Variants in B3GALT1 observed in about 807,000 individuals in gnomAD.
B3GALT1 encodes UDP-Gal:betaGlcNAc beta 1,3-galactosyltransferase, polypeptide 1.
A neutral mutation model predicts 23.2 loss-of-function variants in B3GALT1; 10 were observed. That is an observed-to-expected ratio of 0.43 (90% CI 0.27 to 0.73). B3GALT1 has a LOEUF of 0.73. Ranked by LOEUF, B3GALT1 falls within the 30% of genes least tolerant of loss-of-function variation. The pLI is 0.21. For missense variants in B3GALT1, 299 were observed against 405.4 expected, an observed-to-expected ratio of 0.74 and a Z score of 2.25; for synonymous variants, 156 against 141.5, an observed-to-expected ratio of 1.10 and a Z score of -0.73.
At chr2:167,765,124 TG>T (rs1687957269) in intron 3 of B3GALT1, among the ~76,000 whole-genome samples, 1 of 152,204 alleles carries the variant, frequency 6.6e-6, no homozygotes, top group South Asian at 2.1e-4. Context: ...TTGACCATTA[TG>T]ATTGTGTAAA....
intron 2 of B3GALT1, among the ~76,000 whole-genome samples, chr2:167,567,003 A>G (rs1031578422): frequency 2.4e-4 from 37 of 152,230 alleles, no homozygotes; most frequent in Non-Finnish European, 8.8e-5. Context: ...TCTCTGGAAA[A>G]TAGCACAGAG....
At chr2:167,692,001 T>C (rs1574215675) in intron 3 of B3GALT1, among the ~76,000 whole-genome samples, 1 of 152,274 alleles carries the variant, frequency 6.6e-6, no homozygotes, top group African/African-American at 2.4e-5. Context: ...CATGTACGTA[T>C]TAGTTGGCCT....
intron 1 of B3GALT1, among the ~76,000 whole-genome samples, chr2:167,361,242 A>C (rs1402905211): frequency 8.4e-6 from 1 of 119,178 alleles, no homozygotes; most frequent in Admixed American, 9.9e-5. Flanking sequence ...TTGCAGTGGG[A>C]TCCAGCAAAC....
At chr2:167,328,181 C>A (rs944178152) in intron 1 of B3GALT1, among the ~76,000 whole-genome samples, 66 of 152,216 alleles carry the variant, frequency 4.3e-4, no homozygotes, top group East Asian at 5.8e-4. Context: ...CTGTAGTTTT[C>A]TTTTCCTGTT....
At chr2:167,549,206 C>T (rs1167724851) in intron 2 of B3GALT1, among the ~76,000 whole-genome samples, 7 of 152,284 alleles carry the variant, frequency 4.6e-5, no homozygotes, top group Non-Finnish European at 1.0e-4. Flanking sequence ...TAGCAATGCA[C>T]GTATGTATGT....
intron 2 of B3GALT1, among the ~76,000 whole-genome samples, chr2:167,577,407 T>C (rs1371094905): frequency 1.3e-5 from 2 of 151,904 alleles, no homozygotes; most frequent in Admixed American, 1.3e-4. Flanking sequence ...AGTGGAAAGA[T>C]AGGACTAGAT....
At chr2:167,299,573 C>A (rs1019460810) in intron 1 of B3GALT1, among the ~76,000 whole-genome samples, 1 of 152,008 alleles carries the variant, frequency 6.6e-6, no homozygotes, top group Non-Finnish European at 1.5e-5. Flanking sequence ...GTGAACACAG[C>A]TAATGATAAA....
rs150506725 is a variant in B3GALT1 at position 167,400,956 on chromosome 2, C to T, written c.-510-89221C>T. ...AGCGGGAACTTCAAACAGACAGCTT[C>T]GGCTGTCTACTTTTTAGTCCCCTTT... On this transcript the variant is annotated intron_variant, in intron 1 of 4. Coordinates refer to ENST00000392690, the MANE Select transcript of B3GALT1 (RefSeq NM_020981.4). 1.6e-4 allele frequency among the ~76,000 whole-genome samples: 25 copies of T among 152,222 alleles called. No individual in the cohort carries two copies. The East Asian group carries it at 4.4e-3, about 27-fold the overall frequency.
intron 4 of B3GALT1, among the ~76,000 whole-genome samples, chr2:167,854,703 A>T (rs956333540): frequency 2.0e-5 from 3 of 152,198 alleles, no homozygotes; most frequent in Non-Finnish European, 2.9e-5. Flanking sequence ...AGACTTCATT[A>T]TGGATGTCAG....
intron 1 of B3GALT1, among the ~76,000 whole-genome samples, chr2:167,305,474 C>T (rs750961217): frequency 3.3e-5 from 5 of 152,064 alleles, no homozygotes; most frequent in African/African-American, 4.8e-5. Flanking sequence ...TTATTTCACA[C>T]GTGTACAAGA....
At chr2:167,644,708 A>C (rs1458863770) in intron 2 of B3GALT1, among the ~76,000 whole-genome samples, 1 of 138,124 alleles carries the variant, frequency 7.2e-6, no homozygotes, top group East Asian at 2.3e-4. Context: ...TGAACCCGGG[A>C]GGCGGAGCTT....
chr2:167,668,445 A>G (rs1453352932), intron 3 of B3GALT1, among the ~76,000 whole-genome samples: 2 of 152,274 alleles, frequency 1.3e-5, no homozygotes, highest in Admixed American at 6.5e-5. Context: ...CTACAGAGGC[A>G]GGCAGTCCTC....
intron 1 of B3GALT1, among the ~76,000 whole-genome samples, chr2:167,346,477 C>T (rs1247344867): frequency 6.6e-6 from 1 of 152,028 alleles, no homozygotes; most frequent in African/African-American, 2.4e-5. Flanking sequence ...AAACTGATCC[C>T]TTATGTCAAT....
At chr2:167,638,176 C>CAAATTAA (rs1685591081) in intron 2 of B3GALT1, among the ~76,000 whole-genome samples, 1 of 151,960 alleles carries the variant, frequency 6.6e-6, no homozygotes, top group Non-Finnish European at 1.5e-5. Flanking sequence ...TTTAGTTAAT[C>CAAATTAA]AATTTGAAAA....
chr2:167,332,788 G>T (rs1231296794), intron 1 of B3GALT1, among the ~76,000 whole-genome samples: 1 of 152,162 alleles, frequency 6.6e-6, no homozygotes, highest in Non-Finnish European at 1.5e-5. Flanking sequence ...ATCTCATAGA[G>T]AACAAATGCA....
At chr2:167,398,808 G>A (rs1228543841) in intron 1 of B3GALT1, among the ~76,000 whole-genome samples, 3 of 152,082 alleles carry the variant, frequency 2.0e-5, no homozygotes, top group Non-Finnish European at 4.4e-5. Context: ...AATAGTTGTA[G>A]CTACAAAGCA....
intron 3 of B3GALT1, among the ~76,000 whole-genome samples, chr2:167,692,322 A>G (rs1361873806): frequency 6.6e-6 from 1 of 152,126 alleles, no homozygotes; most frequent in African/African-American, 2.4e-5. Context: ...AATTGAGTCA[A>G]TGAACCAAGT....
At chr2:167,296,798 C>T (rs1484194245) in intron 1 of B3GALT1, among the ~76,000 whole-genome samples, 2 of 152,098 alleles carry the variant, frequency 1.3e-5, no homozygotes, top group African/African-American at 4.8e-5. Context: ...ACACAAAGAT[C>T]CCCACCCTTT....
chr2:167,355,185 A>G (rs1045263501), intron 1 of B3GALT1, among the ~76,000 whole-genome samples: 3 of 152,200 alleles, frequency 2.0e-5, no homozygotes, highest in African/African-American at 4.8e-5. Context: ...TCTTTTCAAC[A>G]TGTCTCAGGA....
Sources: allele counts gnomAD v4.1 joint callset (sites outside exome capture counted in the v4.1 genomes callset), GRCh38; gene constraint gnomAD v4.1.1; transcripts MANE v1.5; gene names NCBI Gene and HGNC (gene_info 2026-07-23, HGNC 2026-07-21).